The following SCFD1 variants were observed in gnomAD, a reference collection of about 807,000 sequenced individuals.
The protein encoded by SCFD1 is sec1 family domain-containing protein 1.
Under a neutral mutation model 103.2 loss-of-function variants are expected in SCFD1, and 37 were observed. That is an observed-to-expected ratio of 0.36 (90% CI 0.28 to 0.47). The LOEUF is 0.47. Among genes scored for constraint, SCFD1 ranks in the 20% least tolerant of loss-of-function variants. The pLI is 1.00. For synonymous variants in SCFD1, 264 were observed against 245.0 expected (o/e 1.08, Z -0.73); for missense variants, 639 against 761.2 (o/e 0.84, Z 1.89).
chr14:30,676,582 A>G (rs1407808434), intron 14 of SCFD1: 2 of 151,850 alleles, frequency 1.3e-5, no homozygotes, highest in Admixed American at 6.6e-5. Context: ...AGGGCCAACC[A>G]TGCCAGGCAG....
At chr14:30,653,988 A>G (rs943579727) in intron 10 of SCFD1, 3 of 153,892 alleles carry the variant, frequency 1.9e-5, no homozygotes, top group African/African-American at 7.2e-5. Context: ...ACGTTAAAAA[A>G]AAAATAGTAT....
intron 15 of SCFD1, among the ~76,000 whole-genome samples, chr14:30,696,959 A>G (rs979343884): frequency 5.3e-5 from 8 of 152,160 alleles, no homozygotes; most frequent in Admixed American, 3.9e-4. Context: ...AAAGGGAAAA[A>G]ATTAGAATGA....
intron 1 of SCFD1, 118 bp from the exon 2 acceptor site, chr14:30,628,091 T>C: frequency 1.6e-6 from 1 of 639,406 alleles, no homozygotes; most frequent in East Asian, 2.8e-5. Flanking sequence ...AGTCATTTGG[T>C]TAATCAGTTT....
intron 4 of SCFD1, among the ~76,000 whole-genome samples, chr14:30,634,390 T>C (rs1296000701): frequency 6.6e-6 from 1 of 152,196 alleles, no homozygotes; most frequent in African/African-American, 2.4e-5. Flanking sequence ...TATTTTATAA[T>C]TGCTCTATTT....
intron 23 of SCFD1, 37 bp from the exon 24 acceptor site, chr14:30,734,753 G>A (rs539973527): frequency 3.3e-5 from 48 of 1,443,890 alleles, no homozygotes; most frequent in Non-Finnish European, 4.1e-5. Context: ...TATATTTCTT[G>A]TTACTTGTAT....
At chr14:30,659,020 A>G (rs1887179769) in intron 10 of SCFD1, among the ~76,000 whole-genome samples, 1 of 152,184 alleles carries the variant, frequency 6.6e-6, no homozygotes, top group African/African-American at 2.4e-5. Context: ...AAAAGCCCAA[A>G]AGATATCCCT....
At chr14:30,713,819 T>C (rs1892065992) in intron 19 of SCFD1, among the ~76,000 whole-genome samples, 1 of 152,204 alleles carries the variant, frequency 6.6e-6, no homozygotes, top group Non-Finnish European at 1.5e-5. Flanking sequence ...CAATTTACAA[T>C]GTTCTTTTGT....
chr14:30,727,249 C>G (rs944134733), intron 23 of SCFD1, among the ~76,000 whole-genome samples: 1 of 152,182 alleles, frequency 6.6e-6, no homozygotes, highest in African/African-American at 2.4e-5. Context: ...GTCTGTGTTT[C>G]TGGACACCTT....
chr14:30,626,808 A>T (rs958911606), intron 1 of SCFD1, among the ~76,000 whole-genome samples: 8 of 152,170 alleles, frequency 5.3e-5, no homozygotes, highest in Non-Finnish European at 1.2e-4. Context: ...AACAGTATGT[A>T]CACACACATA....
intron 10 of SCFD1, chr14:30,657,992 C>A: frequency 2.4e-6 from 1 of 410,072 alleles, no homozygotes; most frequent in Non-Finnish European, 4.8e-6. Context: ...GAAAAAGCAA[C>A]TTTGCAGTGC....
At chr14:30,668,458 C>G (rs1230552247) in intron 10 of SCFD1, among the ~76,000 whole-genome samples, 1 of 152,090 alleles carries the variant, frequency 6.6e-6, no homozygotes, top group Non-Finnish European at 1.5e-5. Context: ...AGAAGAAAAC[C>G]TAGGCAATAC....
chr14:30,645,237 G>A (rs559500855), intron 7 of SCFD1, among the ~76,000 whole-genome samples: 39 of 152,230 alleles, frequency 2.6e-4, no homozygotes, highest in African/African-American at 5.8e-4. Flanking sequence ...CGTAAAAGCC[G>A]TGTAGTAGTA....
intron 23 of SCFD1, 47 bp from the exon 24 acceptor site, chr14:30,734,743 T>C (rs1276596313): frequency 7.5e-7 from 1 of 1,329,224 alleles, no homozygotes; most frequent in Non-Finnish European, 1.1e-6. Flanking sequence ...GAATATTGAA[T>C]ATATTTCTTG....
chr14:30,701,863 G>A (rs898887716), intron 16 of SCFD1, among the ~76,000 whole-genome samples: 15 of 152,028 alleles, frequency 9.9e-5, no homozygotes, highest in Non-Finnish European at 2.1e-4. Flanking sequence ...TAATGAATCT[G>A]GACCCCTAGA....
chr14:30,691,349 A>G (rs1890283845), intron 14 of SCFD1, among the ~76,000 whole-genome samples: 1 of 152,224 alleles, frequency 6.6e-6, no homozygotes, highest in Non-Finnish European at 1.5e-5. Context: ...TTAATGGATC[A>G]CTTGTATCTA....
chr14:30,691,616 C>T (rs930704425), intron 14 of SCFD1, among the ~76,000 whole-genome samples: 4 of 152,130 alleles, frequency 2.6e-5, no homozygotes, highest in Admixed American at 6.5e-5. Flanking sequence ...ATGTAACTCA[C>T]GTACTTTGCA....
intron 4 of SCFD1, 45 bp downstream of exon 4, chr14:30,634,082 AT>A (rs536163564): frequency 1.2e-4 from 143 of 1,176,558 alleles, no homozygotes; most frequent in Middle Eastern, 2.0e-4. Context: ...TTGGAAATGG[AT>A]TTTTTTTTCA....
upstream of SCFD1, chr14:30,622,268 GGGGCGGTAA>G (rs1882893384): frequency 6.3e-7 from 1 of 1,577,772 alleles, no homozygotes; most frequent in Non-Finnish European, 8.6e-7. Flanking sequence ...CTTTGCTTCC[GGGGCGGTAA>G]GGGCAGCCAC....
chr14:30,702,435 TC>T (rs1891144246), intron 17 of SCFD1, 60 bp downstream of exon 17: 1 of 1,048,830 alleles, frequency 9.5e-7, no homozygotes, highest in Non-Finnish European at 1.4e-6. Context: ...GAGGCTTCAT[TC>T]CCAAGAAAAT....
Sources: gnomAD v4.1 joint callset for allele counts (sites outside exome capture counted in the v4.1 genomes callset) on GRCh38, gnomAD v4.1.1 for gene constraint, MANE v1.5 for transcripts, NCBI Gene and HGNC (gene_info 2026-07-23, HGNC 2026-07-21) for gene names.